The following POPDC1 variants were observed in gnomAD, a reference collection of about 807,000 sequenced individuals.
POPDC1 encodes popeye domain-containing protein 1.
the POPDC1 span, chr6:105,136,463 T>C: frequency 2.0e-5 from 3 of 152,184 alleles, no homozygotes; most frequent in Non-Finnish European, 4.4e-5. Context: ...CACCCTACTC[T>C]CCGAGCGGGG....
chr6:105,119,579 G>A, the POPDC1 span, among the ~76,000 whole-genome samples: 1 of 152,190 alleles, frequency 6.6e-6, no homozygotes, highest in Non-Finnish European at 1.5e-5. Flanking sequence ...TGAGCATGGT[G>A]TCCTCATGAG....
the POPDC1 span, among the ~76,000 whole-genome samples, chr6:105,109,249 G>A: frequency 6.6e-6 from 1 of 151,934 alleles, no homozygotes; most frequent in Non-Finnish European, 1.5e-5. Flanking sequence ...TGAGCCACTG[G>A]GCCCAGCCCT....
chr6:105,115,212 G>T, the POPDC1 span, among the ~76,000 whole-genome samples: 1 of 152,122 alleles, frequency 6.6e-6, no homozygotes. Context: ...TCAGCCTCCC[G>T]AGTAGCCAGG....
At chr6:105,133,347 C>A in the POPDC1 span, 4 of 1,601,466 alleles carry the variant, frequency 2.5e-6, no homozygotes, top group Non-Finnish European at 3.4e-6. Context: ...AGTTAGGTAT[C>A]TTACCTAGAG....
the POPDC1 span, among the ~76,000 whole-genome samples, chr6:105,128,957 T>C: frequency 1.3e-5 from 2 of 152,172 alleles, no homozygotes; most frequent in Non-Finnish European, 2.9e-5. Flanking sequence ...GATGAATATT[T>C]TGGGCATTAG....
chr6:105,097,251 T>G, the POPDC1 span: 9 of 152,128 alleles, frequency 5.9e-5, no homozygotes, highest in Admixed American at 5.9e-4. Context: ...CTTGGGACTT[T>G]GAGTTGAGTT....
Sources: allele counts gnomAD v4.1 joint callset (sites outside exome capture counted in the v4.1 genomes callset), GRCh38; gene constraint gnomAD v4.1.1; transcripts MANE v1.5; gene names NCBI Gene and HGNC (gene_info 2026-07-23, HGNC 2026-07-21).